The following HIVEP3 variants were observed in gnomAD, a reference collection of about 807,000 sequenced individuals.
The protein encoded by HIVEP3 is HIVEP zinc finger 3.
A neutral mutation model predicts 152.8 loss-of-function variants in HIVEP3; 49 were observed. That is an observed-to-expected ratio of 0.32 (90% CI 0.26 to 0.41). The LOEUF is 0.41. Among genes scored for constraint, HIVEP3 ranks in the 10% least tolerant of loss-of-function variants. The pLI is 1.00. For missense variants in HIVEP3, 2,790 were observed against 3,103.3 expected (o/e 0.90, Z 2.40); for synonymous variants, 1,269 against 1,289.0 (o/e 0.98, Z 0.33).
intron 1 of HIVEP3, among the ~76,000 whole-genome samples, chr1:41,927,242 T>C (rs570731082): frequency 1.3e-5 from 2 of 152,280 alleles, no homozygotes; most frequent in Admixed American, 6.5e-5. Flanking sequence ...CATCTCCCAA[T>C]TGGGCACCCT....
At chr1:41,991,230 A>T (rs953504421) in intron 1 of HIVEP3, among the ~76,000 whole-genome samples, 6 of 152,084 alleles carry the variant, frequency 3.9e-5, no homozygotes, top group African/African-American at 1.4e-4. Flanking sequence ...TTTTGAAAGG[A>T]TCAACAAAAT....
intron 1 of HIVEP3, among the ~76,000 whole-genome samples, chr1:41,950,328 A>G (rs1645099311): frequency 6.6e-6 from 1 of 151,790 alleles, no homozygotes; most frequent in Non-Finnish European, 1.5e-5. Flanking sequence ...AACAAAACAA[A>G]ACAAACAAAA....
At chr1:41,588,440 T>TC (rs1280596799) in intron 3 of HIVEP3, among the ~76,000 whole-genome samples, 1 of 152,076 alleles carries the variant, frequency 6.6e-6, no homozygotes, top group Non-Finnish European at 1.5e-5. Flanking sequence ...TCCTGCCTTC[T>TC]CCCCTCACTG....
At chr1:41,832,984 CCTT>C (rs1326365681) in intron 1 of HIVEP3, among the ~76,000 whole-genome samples, 5 of 152,216 alleles carry the variant, frequency 3.3e-5, no homozygotes, top group Non-Finnish European at 4.4e-5. Flanking sequence ...GAGTCCAACT[CCTT>C]CTTAGAACAA....
intron 1 of HIVEP3, among the ~76,000 whole-genome samples, chr1:41,994,801 T>C (rs1005867651): frequency 2.6e-5 from 4 of 152,134 alleles, no homozygotes; most frequent in African/African-American, 7.2e-5. Context: ...CATGTTACTA[T>C]GTTCAAATAT....
intron 5 of HIVEP3, among the ~76,000 whole-genome samples, chr1:41,553,157 A>G (rs1327267364): frequency 6.6e-6 from 1 of 152,126 alleles, no homozygotes; most frequent in Non-Finnish European, 1.5e-5. Context: ...GTCTCTAAGG[A>G]CTTGCTTTAT....
At chr1:41,566,110 G>A (rs1644158862) in intron 5 of HIVEP3, among the ~76,000 whole-genome samples, 1 of 152,148 alleles carries the variant, frequency 6.6e-6, no homozygotes, top group Admixed American at 6.5e-5. Context: ...CAACACAGGA[G>A]ATTTTTCTTG....
intron 1 of HIVEP3, among the ~76,000 whole-genome samples, chr1:42,002,105 A>G (rs894671377): frequency 6.6e-6 from 1 of 152,166 alleles, no homozygotes; most frequent in Non-Finnish European, 1.5e-5. Flanking sequence ...TAAAAAATAA[A>G]ATAATAAAAT....
chr1:41,517,970 G>A (rs999225271), intron 7 of HIVEP3, among the ~76,000 whole-genome samples: 19 of 152,214 alleles, frequency 1.2e-4, no homozygotes, highest in Admixed American at 1.2e-3. Context: ...CGGAGAGTAT[G>A]TGTCCCACAG....
chr1:41,524,942 A>C, intron 5 of HIVEP3, 32 bp from the exon 6 acceptor site: 2 of 1,591,702 alleles, frequency 1.3e-6, no homozygotes, highest in Non-Finnish European at 1.7e-6. Flanking sequence ...GTAAAGGGAA[A>C]AAAAAGGAGA....
intron 3 of HIVEP3, among the ~76,000 whole-genome samples, chr1:41,587,480 G>A (rs1022621322): frequency 2.0e-5 from 3 of 152,146 alleles, no homozygotes; most frequent in Admixed American, 1.3e-4. Flanking sequence ...AACAGTCATC[G>A]AGGAACAACA....
intron 1 of HIVEP3, among the ~76,000 whole-genome samples, chr1:41,905,075 G>A (rs1644688478): frequency 1.3e-5 from 2 of 152,162 alleles, no homozygotes; most frequent in Non-Finnish European, 2.9e-5. Context: ...TGTGAACTAG[G>A]GTATAAGGAT....
intron 1 of HIVEP3, among the ~76,000 whole-genome samples, chr1:41,879,680 C>A (rs1395241913): frequency 6.6e-6 from 1 of 152,182 alleles, no homozygotes; most frequent in Non-Finnish European, 1.5e-5. Flanking sequence ...CCTGCTCTGT[C>A]CCTGGTTTCC....
intron 1 of HIVEP3, among the ~76,000 whole-genome samples, chr1:41,855,952 C>T (rs1172554139): frequency 2.6e-5 from 4 of 152,152 alleles, no homozygotes; most frequent in South Asian, 2.1e-4. Flanking sequence ...GTGATGCAAT[C>T]TCAGCTCACT....
chr1:41,691,981 A>G (rs761299363), intron 2 of HIVEP3, among the ~76,000 whole-genome samples: 2 of 150,546 alleles, frequency 1.3e-5, no homozygotes, highest in Non-Finnish European at 2.9e-5. Context: ...AGTAGCTGGG[A>G]TTACAGGCCT....
At chr1:41,578,278 T>C (rs1644354934) in intron 4 of HIVEP3, among the ~76,000 whole-genome samples, 1 of 152,228 alleles carries the variant, frequency 6.6e-6, no homozygotes, top group Non-Finnish European at 1.5e-5. Flanking sequence ...TCCAAAAAGT[T>C]AGCAGTATGA....
chr1:41,613,026 C>G (rs1644919903), intron 3 of HIVEP3, among the ~76,000 whole-genome samples: 1 of 152,242 alleles, frequency 6.6e-6, no homozygotes, highest in South Asian at 2.1e-4. Context: ...AAGGAAGCTC[C>G]AAGGGACCTG....
chr1:41,993,667 T>C (rs1645377211), intron 1 of HIVEP3, among the ~76,000 whole-genome samples: 1 of 152,184 alleles, frequency 6.6e-6, no homozygotes, highest in Middle Eastern at 3.4e-3. Flanking sequence ...CCCAAAGGAC[T>C]ATAAATCATG....
chr1:41,588,230 T>G (rs980261261), intron 3 of HIVEP3, among the ~76,000 whole-genome samples: 5 of 152,144 alleles, frequency 3.3e-5, no homozygotes, highest in Admixed American at 1.3e-4. Context: ...GGGTGCTATG[T>G]GTGGATAATC....
Sources: gnomAD v4.1 joint callset for allele counts (sites outside exome capture counted in the v4.1 genomes callset) on GRCh38, gnomAD v4.1.1 for gene constraint, MANE v1.5 for transcripts, NCBI Gene and HGNC (gene_info 2026-07-23, HGNC 2026-07-21) for gene names.